NEIL1: variants seen among roughly 807,000 people sequenced by gnomAD.
NEIL1 encodes endonuclease 8-like 1.
A neutral mutation model predicts 44.2 loss-of-function variants in NEIL1; 31 were observed. The observed-to-expected ratio is 0.70, with a 90% CI of 0.53 to 0.95. NEIL1 has a LOEUF of 0.95. Among genes scored for constraint, NEIL1 ranks in the 40% least tolerant of loss-of-function variants. NEIL1 has a pLI of 0.00. For synonymous variants in NEIL1, 254 were observed against 209.7 expected, an observed-to-expected ratio of 1.21 and a Z score of -1.83; for missense variants, 549 against 515.5, an observed-to-expected ratio of 1.07 and a Z score of -0.63.
At chr15:75,350,401 G>A (rs973533437) in intron 2 of NEIL1, among the ~76,000 whole-genome samples, 6 of 152,190 alleles carry the variant, frequency 3.9e-5, no homozygotes, top group Non-Finnish European at 5.9e-5. Flanking sequence ...GGAGGTAGAG[G>A]ATGACTTGGC....
chr15:75,349,372 C>G (rs1365938869), intron 2 of NEIL1, 33 bp downstream of exon 2: 4 of 1,559,408 alleles, frequency 2.6e-6, no homozygotes, highest in Non-Finnish European at 3.5e-6. Context: ...TGAACATAGT[C>G]GCGGGCTCCA....
rs771521417 is a variant in NEIL1 at position 75,356,283 on chromosome 15, G to A, written c.*1249G>A. 4 of 1,611,860 alleles carry A rather than the reference G, an allele frequency of 2.5e-6. No individual in the cohort carries two copies. The South Asian group carries it at 3.3e-5, about 13-fold the overall frequency. On this transcript the variant is annotated 3_prime_UTR_variant, in exon 10 of 10. Coordinates refer to ENST00000355059, the MANE Select transcript of NEIL1 (RefSeq NM_024608.4). The surrounding 1 kb of genome is among the most constrained non-coding windows in gnomAD (Gnocchi z 5.8). ...GGCCCAGTTCGGAACCCCGTCCCCAGCACGTCCCACCCCTTGCCTGCTTGA... is the reference window on the plus strand; with the variant it reads ...GGCCCAGTTCGGAACCCCGTCCCCAACACGTCCCACCCCTTGCCTGCTTGA...
rs1396020600 is a variant in NEIL1, at chr15:75,352,398, A to C, written c.618+11A>C. The C allele has an allele frequency of 6.2e-7, 1 of 1,613,084 alleles. No individual in the cohort carries two copies. The highest frequency in any genetic ancestry group is 1.3e-5 in the African/African-American group (1 of 75,032). On this transcript the variant is annotated intron_variant, in intron 4 of 9. Coordinates refer to ENST00000355059, the MANE Select transcript of NEIL1 (RefSeq NM_024608.4). ...CAGCAGCACAGGCCGGTAAGCCCAG[A>C]GAGGGATGGAGCACACGTGCTGGCA... is the stretch of plus-strand genomic sequence containing the variant.
Position 75,352,629 on chromosome 15 carries a change from A to G in NEIL1, c.646A>G (p.Ile216Val), listed in dbSNP as rs771256255. The G allele has an allele frequency of 6.2e-7, 1 of 1,613,514 alleles. No homozygotes were observed. The highest frequency in any genetic ancestry group is 1.1e-5 in the South Asian group (1 of 90,910). Residue 216 changes from isoleucine to valine, a missense_variant, in exon 5 of 10, where the codon ATA becomes GTA. By Grantham distance (29) the Ile-to-Val change is conservative. Coordinates refer to ENST00000355059, the MANE Select transcript of NEIL1 (RefSeq NM_024608.4). ...PSPELTLSQK[I>V]RTKLQNPDLL... is the part of the protein sequence containing the mutation. ...CCCGGAGCTGACCCTGAGCCAGAAG[A>G]TAAGGACCAAGCTGCAGAATCCAGA...
chr15:75,350,168 G>A (rs1429760641), intron 2 of NEIL1, among the ~76,000 whole-genome samples: 1 of 152,190 alleles, frequency 6.6e-6, no homozygotes. Context: ...AGCCCCACCT[G>A]GGATGTGATG....
At position 75,355,174 on chromosome 15, in the gene NEIL1, ATTG is replaced by A; in HGVS notation, c.*142_*144del. On this transcript the variant is annotated 3_prime_UTR_variant, in exon 10 of 10. Coordinates refer to ENST00000355059, the MANE Select transcript of NEIL1 (RefSeq NM_024608.4). ...TCCCTGCACAACTCTCATGGTTTTA[ATTG>A]TACCCCATCTTCCACATCTTTAAAG... 1.5e-6 allele frequency: 1 copy of A among 653,982 alleles called. No individual in the cohort carries two copies. Among genetic ancestry groups the A allele is most frequent in the South Asian group, 1.9e-5 (1 of 51,340 alleles). 40.5% of individuals were successfully genotyped at this position (653,982 alleles called of 1,614,324 possible).
rs367645979 is a variant in NEIL1 at position 75,356,709 on chromosome 15, G to T, written c.*1675G>T. 6.2e-7 allele frequency: 1 copy of T among 1,610,640 alleles called. No homozygotes were observed. ...AGCTGGGGTGAGGAGGGCGCGTAGG[G>T]GCCACGCTGAAGCTGTTGGAGTTGT... is the stretch of plus-strand genomic sequence containing the variant. On this transcript the variant is annotated 3_prime_UTR_variant, in exon 10 of 10. Coordinates refer to ENST00000355059, the MANE Select transcript of NEIL1 (RefSeq NM_024608.4). This position sits in a 1 kb window ranked among gnomAD's most constrained non-coding sequence, Gnocchi z 5.8.
In NEIL1 at chr15:75,349,147, T is replaced by C. The variant is rs2071677928; in HGVS notation, c.242T>C (p.Met81Thr). Residue 81 changes from methionine to threonine, a missense_variant, in exon 2 of 10, where the codon ATG becomes ACG. Physicochemically the swap from Met to Thr is moderately conservative, Grantham distance 81. Transcript: ENST00000355059. ...CTGGCCCTGGTCTTCCGCTTCGGCA[T>C]GTCCGGCTCTTTTCAGCTGGTGCCC... ...EPLALVFRFG[M>T]SGSFQLVPRE... 6 of 1,610,176 alleles carry C rather than the reference T, an allele frequency of 3.7e-6. No homozygotes were observed. Among genetic ancestry groups the C allele is most frequent in the Non-Finnish European group, 4.2e-6 (5 of 1,179,912 alleles).
chr15:75,352,044 T>G (rs746196782), intron 2 of NEIL1, 67 bp from the exon 3 acceptor site: 6 of 1,548,684 alleles, frequency 3.9e-6, no homozygotes, highest in Non-Finnish European at 5.3e-6. Context: ...ACAGGTTCTC[T>G]GAGCCCCTCT....
chr15:75,356,193 C>G lies in NEIL1; in HGVS notation c.*1159C>G. ...GGGCCTCATACAGCCTCAGGACCAG[C>G]GAGCGGCGCTGGGGGCTGCTCTCCG... On this transcript the variant is annotated 3_prime_UTR_variant, in exon 10 of 10. Transcript: ENST00000355059. The surrounding 1 kb of genome is among the most constrained non-coding windows in gnomAD (Gnocchi z 5.8). 1 of 1,613,378 alleles carries G rather than the reference C, an allele frequency of 6.2e-7. No individual in the cohort carries two copies. Among genetic ancestry groups the G allele is most frequent in the South Asian group, 1.1e-5 (1 of 91,066 alleles).
At chr15:75,348,559 G>A (rs968034124) in intron 1 of NEIL1, 6 of 1,196,038 alleles carry the variant, frequency 5.0e-6, no homozygotes, top group African/African-American at 3.1e-5. Flanking sequence ...GTGAGTGAGG[G>A]GAGCCGGGAA....
At chr15:75,354,009 C>A in intron 6 of NEIL1, 143 bp downstream of exon 6, 1 of 1,208,682 alleles carries the variant, frequency 8.3e-7, no homozygotes, top group Non-Finnish European at 1.2e-6. Flanking sequence ...ACACCCCTCC[C>A]CTCCCATGCG....
chr15:75,347,989 CG>C, intron 1 of NEIL1: 1 of 1,226,020 alleles, frequency 8.2e-7, no homozygotes, highest in Non-Finnish European at 1.1e-6. Context: ...CCGAACCGCC[CG>C]GGGACAGAGG....
In NEIL1 at chr15:75,356,281, C is replaced by A; in HGVS notation, c.*1247C>A. On this transcript the variant is annotated 3_prime_UTR_variant, in exon 10 of 10. Coordinates refer to ENST00000355059, the MANE Select transcript of NEIL1 (RefSeq NM_024608.4). This position sits in a 1 kb window ranked among gnomAD's most constrained non-coding sequence, Gnocchi z 5.8. ...CAGGCCCAGTTCGGAACCCCGTCCC[C>A]AGCACGTCCCACCCCTTGCCTGCTT... 6.2e-7 allele frequency: 1 copy of A among 1,611,782 alleles called. No homozygotes were observed. Among genetic ancestry groups the A allele is most frequent in the East Asian group, 2.2e-5 (1 of 44,788 alleles).
At chr15:75,349,996 G>T (rs1484516886) in intron 2 of NEIL1, among the ~76,000 whole-genome samples, 2 of 152,314 alleles carry the variant, frequency 1.3e-5, no homozygotes, top group Non-Finnish European at 2.9e-5. Context: ...CTTTAATATG[G>T]TAAGTGAGGC....
chr15:75,350,871 C>T (rs2071831148), intron 2 of NEIL1, among the ~76,000 whole-genome samples: 1 of 152,192 alleles, frequency 6.6e-6, no homozygotes, highest in South Asian at 2.1e-4. Flanking sequence ...GATCAGGGCA[C>T]CTCCCAGGCT....
At chr15:75,353,222 T>TACACACACACAC (rs1555432576) in intron 5 of NEIL1, 1 of 98,048 alleles carries the variant, frequency 1.0e-5, no homozygotes, top group African/African-American at 4.0e-5. Flanking sequence ...TTTATATATT[T>TACACACACACAC]ATACACACAC....
At position 75,356,455 on chromosome 15, in the gene NEIL1, G is replaced by T. The variant is rs764165429; in HGVS notation, c.*1421G>T. The T allele has an allele frequency of 1.3e-6, 2 of 1,592,010 alleles. No homozygotes were observed. Among genetic ancestry groups the T allele is most frequent in the African/African-American group, 2.7e-5 (2 of 74,690 alleles). ...GCCAGCATCCTGGAAAGAGCCTGGGGTACGACCAGGAAACAATGCTGGTGG... is the reference window on the plus strand; with the variant it reads ...GCCAGCATCCTGGAAAGAGCCTGGGTTACGACCAGGAAACAATGCTGGTGG... On this transcript the variant is annotated 3_prime_UTR_variant, in exon 10 of 10. Transcript: ENST00000355059. This position sits in a 1 kb window ranked among gnomAD's most constrained non-coding sequence, Gnocchi z 5.8.
chr15:75,347,126 C>T lies in NEIL1; in HGVS notation c.-370C>T, dbSNP rs1161260963. On this transcript the variant is annotated 5_prime_UTR_variant, in exon 1 of 10. Transcript: ENST00000355059. ...ACCATCTCAAGTGGGTCTACCTCCTCGCCTTTTTTTGTTGTTGTTGTTGCT... is the reference window on the plus strand; with the variant it reads ...ACCATCTCAAGTGGGTCTACCTCCTTGCCTTTTTTTGTTGTTGTTGTTGCT... 1 of 152,334 alleles carries T rather than the reference C, an allele frequency of 6.6e-6. No homozygotes were observed. Among genetic ancestry groups the T allele is most frequent in the Non-Finnish European group, 1.5e-5 (1 of 68,080 alleles). The allele number at this position is 152,334 out of a possible 1,614,324, so 9.4% of individuals were successfully genotyped here. A position where few individuals can be genotyped will look rare whatever the true frequency, so the allele number is the denominator to read the frequency against.
Sources: allele counts gnomAD v4.1 joint callset (sites outside exome capture counted in the v4.1 genomes callset), GRCh38; gene constraint gnomAD v4.1.1; non-coding constraint Gnocchi (gnomAD v3.1); transcripts MANE v1.5; gene names NCBI Gene and HGNC (gene_info 2026-07-23, HGNC 2026-07-21).